CADM2: variants seen among roughly 807,000 people sequenced by gnomAD.
CADM2 encodes cell adhesion molecule 2, also known as immunoglobulin superfamily member 4D.
A neutral mutation model predicts 49.8 loss-of-function variants in CADM2; 12 were observed. The observed-to-expected ratio is 0.24, with a 90% confidence interval of 0.15 to 0.39. CADM2 has a LOEUF of 0.39. Ranked by LOEUF, CADM2 falls within the 10% of genes least tolerant of loss-of-function variation. The probability of loss-of-function intolerance (pLI) is 1.00; values close to 1 mark genes in which losing one functional copy is unlikely to be tolerated. For synonymous variants in CADM2, 214 were observed against 175.4 expected, an observed-to-expected ratio of 1.22 and a Z score of -1.74; for missense variants, 378 against 492.3, an observed-to-expected ratio of 0.77 and a Z score of 2.20.
At chr3:86,012,742 C>A (rs1731695624) in intron 8 of CADM2, 4 of 779,556 alleles carry the variant, frequency 5.1e-6, no homozygotes, top group Non-Finnish European at 6.5e-6. Flanking sequence ...GTAATCCCAG[C>A]ACTTTGGGAG....
chr3:85,199,782 T>G (rs1482129431), intron 1 of CADM2, among the ~76,000 whole-genome samples: 1 of 151,994 alleles, frequency 6.6e-6, no homozygotes, highest in Non-Finnish European at 1.5e-5. Flanking sequence ...TGTAGTCAAA[T>G]AATTATAATT....
intron 8 of CADM2, among the ~76,000 whole-genome samples, chr3:86,039,302 GAATTCCTAGTCAAAGA>G (rs71128110): frequency 0.23 from 35,308 of 151,478 alleles, 4,488 homozygotes; most frequent in African/African-American, 0.34. Flanking sequence ...AGGGGTCAGG[GAATTCCTAGTCAAAGA>G]AATTCCCTTT....
At chr3:85,190,505 G>A (rs956013957) in intron 1 of CADM2, among the ~76,000 whole-genome samples, 9 of 152,034 alleles carry the variant, frequency 5.9e-5, no homozygotes, top group Non-Finnish European at 1.0e-4. Flanking sequence ...CTATGGCTGT[G>A]TTGTGGTTGG....
chr3:85,813,557 T>G (rs1201947031), intron 3 of CADM2, among the ~76,000 whole-genome samples: 1 of 152,230 alleles, frequency 6.6e-6, no homozygotes, highest in Admixed American at 6.5e-5. Flanking sequence ...ATCCCCTTTG[T>G]CAATTTTGGC....
intron 1 of CADM2, among the ~76,000 whole-genome samples, chr3:85,451,464 A>C (rs2107568533): frequency 6.6e-6 from 1 of 152,186 alleles, no homozygotes; most frequent in South Asian, 2.1e-4. Flanking sequence ...CCTCCCCGGA[A>C]GTAATAGTAC....
At chr3:85,702,198 G>T (rs1559602085) in intron 1 of CADM2, among the ~76,000 whole-genome samples, 1 of 152,020 alleles carries the variant, frequency 6.6e-6, no homozygotes, top group Non-Finnish European at 1.5e-5. Flanking sequence ...TCTTTTTCTT[G>T]TATTTGTTTT....
chr3:85,006,349 G>A (rs2033726812), intron 1 of CADM2, among the ~76,000 whole-genome samples: 1 of 152,128 alleles, frequency 6.6e-6, no homozygotes, highest in African/African-American at 2.4e-5. Flanking sequence ...CACATTCACT[G>A]TCAGAGAGAC....
chr3:86,000,707 T>C (rs1403579515), intron 8 of CADM2, among the ~76,000 whole-genome samples: 1 of 151,856 alleles, frequency 6.6e-6, no homozygotes, highest in East Asian at 1.9e-4. Flanking sequence ...CTTAGCCTGC[T>C]CAAAAACCCT....
chr3:85,343,468 T>C (rs1435711874), intron 1 of CADM2, among the ~76,000 whole-genome samples: 2 of 152,152 alleles, frequency 1.3e-5, no homozygotes, highest in African/African-American at 4.8e-5. Flanking sequence ...ATACCATACT[T>C]TACAGCATTT....
At chr3:85,625,781 A>T (rs2107504452) in intron 1 of CADM2, among the ~76,000 whole-genome samples, 1 of 152,098 alleles carries the variant, frequency 6.6e-6, no homozygotes, top group South Asian at 2.1e-4. Flanking sequence ...GTACTGTGAT[A>T]CATATCAAAA....
chr3:85,005,500 T>G (rs1317846399), intron 1 of CADM2, among the ~76,000 whole-genome samples: 1 of 152,084 alleles, frequency 6.6e-6, no homozygotes, highest in African/African-American at 2.4e-5. Context: ...TATTATTATT[T>G]TATACTATGG....
chr3:86,034,915 C>T lies in CADM2; in HGVS notation c.971-30690C>T, dbSNP rs1206790882. Among the ~76,000 whole-genome samples, 5 of 151,952 alleles carry T rather than the reference C, an allele frequency of 3.3e-5. No individual in the cohort carries two copies. In the East Asian group the frequency reaches 9.6e-4, roughly 29 times the overall value. ...CCAATCTTTTACCTTCTCTCCACCCCTACTTCTGCTGCTTTGTTGCAGGCT... is the reference window on the plus strand; with the variant it reads ...CCAATCTTTTACCTTCTCTCCACCCTTACTTCTGCTGCTTTGTTGCAGGCT... On this transcript the variant is annotated intron_variant, in intron 8 of 9. Coordinates refer to ENST00000383699, the MANE Select transcript of CADM2 (RefSeq NM_001167675.2).
chr3:85,511,078 C>A lies in CADM2; in HGVS notation c.62-215444C>A, dbSNP rs7616578. 9.4e-3 allele frequency among the ~76,000 whole-genome samples: 1,432 copies of A among 152,048 alleles called. 22 individuals are homozygous for A. Among genetic ancestry groups the A allele is most frequent in the African/African-American group, 0.031 (1,277 of 41,520 alleles). On this transcript the variant is annotated intron_variant, in intron 1 of 9. Transcript: ENST00000383699. ...CTCAACTAATATTTCACACGTTAGA[C>A]CTTTCGAATGCCTACCCTCACACTT...
chr3:85,609,712 A>C (rs890039513), intron 1 of CADM2, among the ~76,000 whole-genome samples: 50 of 152,132 alleles, frequency 3.3e-4, no homozygotes, highest in African/African-American at 1.2e-3. Flanking sequence ...GGTATACTTG[A>C]AGATTATGTC....
At chr3:85,003,750 T>C (rs1576011924) in intron 1 of CADM2, among the ~76,000 whole-genome samples, 1 of 152,120 alleles carries the variant, frequency 6.6e-6, no homozygotes, top group South Asian at 2.1e-4. Context: ...TTGAAAACTT[T>C]GTAAAGAAAA....
At chr3:85,526,617 A>T (rs1249700497) in intron 1 of CADM2, among the ~76,000 whole-genome samples, 1 of 152,158 alleles carries the variant, frequency 6.6e-6, no homozygotes, top group African/African-American at 2.4e-5. Flanking sequence ...TTCTTCACAT[A>T]AAAAAACTGA....
At chr3:85,162,061 T>C (rs1422567009) in intron 1 of CADM2, among the ~76,000 whole-genome samples, 1 of 152,060 alleles carries the variant, frequency 6.6e-6, no homozygotes, top group Non-Finnish European at 1.5e-5. Context: ...CCTTTGTCTT[T>C]TAACCGTCAG....
intron 1 of CADM2, among the ~76,000 whole-genome samples, chr3:85,264,591 A>G (rs2043081956): frequency 6.6e-6 from 1 of 151,954 alleles, no homozygotes; most frequent in Non-Finnish European, 1.5e-5. Context: ...TTGCCAGCCA[A>G]TTTAGGGACT....
chr3:85,761,450 C>T lies in CADM2; in HGVS notation c.88+34902C>T, dbSNP rs375933684. Among the ~76,000 whole-genome samples, 362 of 142,964 alleles carry T rather than the reference C, an allele frequency of 2.5e-3. 1 individual carries two copies. Among genetic ancestry groups the T allele is most frequent in the African/African-American group, 9.4e-3 (348 of 37,156 alleles). 93.8% of individuals were successfully genotyped at this position (142,964 alleles called of 152,430 possible). On this transcript the variant is annotated intron_variant, in intron 2 of 9. Transcript: ENST00000383699. ...TGCATTCAGTGGCATGATCTCGGCT[C>T]GCTGCAACCTGCACCTCCCGGGTTC... is the stretch of plus-strand genomic sequence containing the variant.
Sources: gnomAD v4.1 joint callset for allele counts (sites outside exome capture counted in the v4.1 genomes callset) on GRCh38, gnomAD v4.1.1 for gene constraint, MANE v1.5 for transcripts, NCBI Gene and HGNC (gene_info 2026-07-23, HGNC 2026-07-21) for gene names.